The following ZNF292 variants were observed in gnomAD, a reference collection of about 807,000 sequenced individuals.
ZNF292 encodes the protein zinc finger protein 292, also known as 16 zinc-finger domain protein.
A neutral mutation model predicts 217.9 loss-of-function variants in ZNF292; 26 were observed. The observed-to-expected ratio is 0.12, with a 90% CI of 0.09 to 0.17. The LOEUF (loss-of-function observed/expected upper bound fraction) is 0.17. Ranked by LOEUF, ZNF292 falls within the 10% of genes least tolerant of loss-of-function variation. ZNF292 has a pLI of 1.00. For synonymous variants in ZNF292, 1,257 were observed against 1,124.1 expected, an observed-to-expected ratio of 1.12 and a Z score of -2.37; for missense variants, 2,904 against 3,175.2, an observed-to-expected ratio of 0.91 and a Z score of 2.05.
chr6:87,226,086 A>C (rs1773330259), intron 4 of ZNF292, among the ~76,000 whole-genome samples: 1 of 152,140 alleles, frequency 6.6e-6, no homozygotes, highest in Admixed American at 6.5e-5. Context: ...TCCCTATTAT[A>C]GTCACACTGA....
intron 4 of ZNF292, among the ~76,000 whole-genome samples, chr6:87,233,082 T>G (rs998735982): frequency 6.6e-6 from 1 of 152,132 alleles, no homozygotes; most frequent in Non-Finnish European, 1.5e-5. Flanking sequence ...ATCAACAAGT[T>G]TATTCAGCTC....
Position 87,250,631 on chromosome 6 carries a change from A to G in ZNF292, c.1021-4019A>G, listed in dbSNP as rs144568246. ...TGTCCATAGTTTGTATGCAAATACT[A>G]TGCCATTTTATATAAGGGACTTGAG... On this transcript the variant is annotated intron_variant, in intron 7 of 7. Coordinates refer to ENST00000369577, the MANE Select transcript of ZNF292 (RefSeq NM_015021.3). Among the ~76,000 whole-genome samples, 928 of 152,316 alleles carry G rather than the reference A, an allele frequency of 6.1e-3. 4 individuals are homozygous for G. The highest frequency in any genetic ancestry group is 0.021 in the African/African-American group (877 of 41,566).
Position 87,255,693 on chromosome 6 carries a change from T to C in ZNF292, c.2064T>C (p.Cys688=), listed in dbSNP as rs1241954723. 1 of 1,613,330 alleles carries C rather than the reference T, an allele frequency of 6.2e-7. No individual in the cohort carries two copies. Among genetic ancestry groups the C allele is most frequent in the South Asian group, 1.1e-5 (1 of 91,024 alleles). ...AATTTAATTGCCCTGTAACTTTTTG[T>C]AAAAAGGGCTTTAAGTACTTTAAAA... ...VNEFNCPVTF[C]KKGFKYFKNL... is the part of the protein sequence containing the mutation. The change falls in exon 8 of 8, where the codon TGT becomes TGC. Residue 688 remains cysteine, a synonymous_variant. Coordinates refer to ENST00000369577, the MANE Select transcript of ZNF292 (RefSeq NM_015021.3).
At position 87,258,504 on chromosome 6, in the gene ZNF292, C is replaced by T. The variant is rs753868144; in HGVS notation, c.4875C>T (p.Asn1625=). Residue 1625 remains asparagine, a synonymous_variant, in exon 8 of 8, where the codon AAC becomes AAT. Transcript: ENST00000369577. ...TRSSHLNKKG[N]SASKRRKKVA... ...CCAGTCATTTAAATAAAAAGGGAAA[C>T]AGTGCTTCTAAGAGAAGAAAGAAAG... 3 of 1,613,692 alleles carry T rather than the reference C, an allele frequency of 1.9e-6. No individual in the cohort carries two copies. The highest frequency in any genetic ancestry group is 2.2e-5 in the South Asian group (2 of 91,068).
intron 5 of ZNF292, among the ~76,000 whole-genome samples, chr6:87,243,231 T>A (rs548131029): frequency 6.6e-6 from 1 of 152,138 alleles, no homozygotes; most frequent in East Asian, 1.9e-4. Context: ...CCGGTGTTTC[T>A]TAATTTTCTC....
chr6:87,189,393 ATATTAT>A (rs907652502), intron 1 of ZNF292, among the ~76,000 whole-genome samples: 3 of 151,776 alleles, frequency 2.0e-5, no homozygotes, highest in South Asian at 4.2e-4. Flanking sequence ...CAATATTCAT[ATATTAT>A]TATTATTATT....
chr6:87,206,610 T>G (rs1417731407), intron 1 of ZNF292, among the ~76,000 whole-genome samples: 1 of 152,222 alleles, frequency 6.6e-6, no homozygotes. Context: ...CACACCACTA[T>G]TATCTAATTA....
At chr6:87,201,029 A>G (rs1420125603) in intron 1 of ZNF292, among the ~76,000 whole-genome samples, 1 of 152,230 alleles carries the variant, frequency 6.6e-6, no homozygotes, top group Non-Finnish European at 1.5e-5. Context: ...TTTCATCACA[A>G]GTAAGAGATT....
chr6:87,254,415 T>C lies in ZNF292; in HGVS notation c.1021-235T>C, dbSNP rs188158924. ...CTTCCAAGTTTGCCTAGCCATTAAA[T>C]AATTCCATACCAAAGTCTTAGCTTC... On this transcript the variant is annotated intron_variant, in intron 7 of 7. Coordinates refer to ENST00000369577, the MANE Select transcript of ZNF292 (RefSeq NM_015021.3). 2.6e-3 allele frequency among the ~76,000 whole-genome samples: 391 copies of C among 152,318 alleles called. 2 individuals carry two copies. The highest frequency in any genetic ancestry group is 9.0e-3 in the African/African-American group (375 of 41,570).
At chr6:87,243,417 G>A in intron 5 of ZNF292, 58 bp from the exon 6 acceptor site, 1 of 1,409,546 alleles carries the variant, frequency 7.1e-7, no homozygotes, top group Non-Finnish European at 9.4e-7. Context: ...AAGGTATATT[G>A]CTCTATATTC....
intron 4 of ZNF292, among the ~76,000 whole-genome samples, chr6:87,232,294 G>C (rs1011744111): frequency 6.6e-6 from 1 of 151,994 alleles, no homozygotes; most frequent in African/African-American, 2.4e-5. Context: ...GTACTAGAGG[G>C]AAACAAAGGA....
Position 87,172,850 on chromosome 6 carries a change from T to C in ZNF292, c.168+17091T>C, listed in dbSNP as rs141698498. ...TGAGCCTGGGAAGTCGAGGTTGCAGTGATCCAAGATTGCACCACTGCAATC... is the reference window on the plus strand; with the variant it reads ...TGAGCCTGGGAAGTCGAGGTTGCAGCGATCCAAGATTGCACCACTGCAATC... On this transcript the variant is annotated intron_variant, in intron 1 of 7. Transcript: ENST00000369577. Among the ~76,000 whole-genome samples, 29 of 151,416 alleles carry C rather than the reference T, an allele frequency of 1.9e-4. No homozygotes were observed. The East Asian group carries it at 5.4e-3, about 28-fold the overall frequency.
Position 87,219,890 on chromosome 6 carries a change from C to T in ZNF292, c.538+1159C>T, listed in dbSNP as rs143088179. On this transcript the variant is annotated intron_variant, in intron 4 of 7. Coordinates refer to ENST00000369577, the MANE Select transcript of ZNF292 (RefSeq NM_015021.3). ...TGGCCCAGGCTAGAGTGCGGTGGTG[C>T]GATCATGGCTCACCGCAGCCTCACT... is the stretch of plus-strand genomic sequence containing the variant. Among the ~76,000 whole-genome samples, 808 of 152,304 alleles carry T rather than the reference C, an allele frequency of 5.3e-3. 31 individuals are homozygous for T. The highest frequency in any genetic ancestry group is 0.049 in the Admixed American group (753 of 15,296).
At chr6:87,252,082 G>A (rs1400859155) in intron 7 of ZNF292, among the ~76,000 whole-genome samples, 2 of 151,844 alleles carry the variant, frequency 1.3e-5, no homozygotes, top group Non-Finnish European at 2.9e-5. Context: ...TATTCTGCAA[G>A]ACAGATACCC....
intron 5 of ZNF292, among the ~76,000 whole-genome samples, chr6:87,237,491 C>T (rs1056532800): frequency 1.3e-5 from 2 of 152,200 alleles, no homozygotes; most frequent in African/African-American, 4.8e-5. Flanking sequence ...ATCCTCCTGT[C>T]TTGGCCTCCC....
intron 1 of ZNF292, among the ~76,000 whole-genome samples, chr6:87,187,714 C>CA (rs10687268): frequency 0.015 from 1,418 of 96,590 alleles, 55 homozygotes; most frequent in African/African-American, 0.041. Context: ...GACTCTGCCT[C>CA]AAAAAAAAAA....
chr6:87,250,032 A>G (rs1378999566), intron 7 of ZNF292, among the ~76,000 whole-genome samples: 1 of 143,366 alleles, frequency 7.0e-6, no homozygotes, highest in African/African-American at 2.6e-5. Flanking sequence ...TTAAAAAAAA[A>G]AAAACAAAAA....
intron 1 of ZNF292, among the ~76,000 whole-genome samples, chr6:87,158,479 GC>G (rs1770617746): frequency 1.3e-5 from 2 of 151,880 alleles, no homozygotes. Flanking sequence ...GCATGGCGTG[GC>G]CCCTTCTCTA....
intron 1 of ZNF292, among the ~76,000 whole-genome samples, chr6:87,200,391 C>T (rs1293645414): frequency 6.6e-6 from 1 of 152,124 alleles, no homozygotes; most frequent in Non-Finnish European, 1.5e-5. Context: ...GAAACAGTTA[C>T]ATAGCATTAT....
Sources: gnomAD v4.1 joint callset for allele counts (sites outside exome capture counted in the v4.1 genomes callset) on GRCh38, gnomAD v4.1.1 for gene constraint, MANE v1.5 for transcripts, NCBI Gene and HGNC (gene_info 2026-07-23, HGNC 2026-07-21) for gene names.